The following CLCN2 variants were observed in gnomAD, a reference collection of about 807,000 sequenced individuals.
CLCN2 encodes the protein chloride channel protein 2.
CLCN2 carries 72 observed loss-of-function variants against 108.3 expected under a neutral mutation model. The ratio of observed to expected loss-of-function variants is 0.66; its 90% CI spans 0.55 to 0.81. The LOEUF is 0.81. CLCN2 is among the 30% of genes least tolerant of loss of function. The pLI is 0.00. For synonymous variants in CLCN2, 471 were observed against 467.1 expected (o/e 1.01, Z -0.11); for missense variants, 1,048 against 1,205.2 (o/e 0.87, Z 1.93).
intron 10 of CLCN2, chr3:184,356,729 A>G: frequency 2.0e-6 from 1 of 503,518 alleles, no homozygotes; most frequent in Non-Finnish European, 3.6e-6. Flanking sequence ...GCATTCCTAT[A>G]TGGGCCAGCC....
chr3:184,350,275 G>C (rs541016203), intron 22 of CLCN2, among the ~76,000 whole-genome samples: 1 of 152,238 alleles, frequency 6.6e-6, no homozygotes, highest in Non-Finnish European at 1.5e-5. Flanking sequence ...AAAGAATCCT[G>C]GGAGCAGGGC....
chr3:184,353,216 A>G (rs751109005), intron 17 of CLCN2, 34 bp downstream of exon 17: 24 of 1,613,380 alleles, frequency 1.5e-5, no homozygotes, highest in Non-Finnish European at 2.0e-5. Flanking sequence ...CTACACAATG[A>G]CATTTAGGAA....
At chr3:184,350,504 C>T (rs1553854217) in intron 22 of CLCN2, among the ~76,000 whole-genome samples, 2 of 152,004 alleles carry the variant, frequency 1.3e-5, no homozygotes, top group South Asian at 2.1e-4. Context: ...GTCATGATCT[C>T]GGCTCACTGC....
At position 184,357,948 on chromosome 3, in the gene CLCN2, C is replaced by T. The variant is rs769344706; in HGVS notation, c.615+14G>A. On this transcript the variant is annotated intron_variant, in intron 5 of 23. Coordinates refer to ENST00000265593, the MANE Select transcript of CLCN2 (RefSeq NM_004366.6). ...CACCAGGAGGGACTCCTTCATTCCC[C>T]AGCCTGCAGTTACCTCTTTGCCAAG... 1.2e-6 allele frequency: 2 copies of T among 1,613,966 alleles called. No homozygotes were observed. Among genetic ancestry groups the T allele is most frequent in the South Asian group, 1.1e-5 (1 of 91,090 alleles).
intron 10 of CLCN2, chr3:184,356,753 G>A: frequency 3.6e-6 from 2 of 548,834 alleles, no homozygotes; most frequent in Non-Finnish European, 6.5e-6. Context: ...AGGACCTGAG[G>A]AGGCCTTAGT....
chr3:184,358,638 G>A, intron 3 of CLCN2, 44 bp downstream of exon 3: 3 of 1,553,144 alleles, frequency 1.9e-6, no homozygotes, highest in Non-Finnish European at 2.6e-6. Context: ...CATGGACGCA[G>A]GAGGTTTATT....
rs1728640559 is a variant in CLCN2 at position 184,357,368 on chromosome 3, C to A, written c.892G>T (p.Asp298Tyr). 2.5e-6 allele frequency: 4 copies of A among 1,614,100 alleles called. No homozygotes were observed. The East Asian group carries it at 8.9e-5, about 36-fold the overall frequency. The change falls in exon 8 of 24, where the codon GAT becomes TAT. Residue 298 changes from aspartate (D) to tyrosine (Y), a missense_variant. Transcript: ENST00000265593. ...IFRVLAVWNR[D>Y]EETITALFKT... ...ATCCCCTGGGTGCCCCCACCTTCAT[C>A]CCGGTTCCAGACTGCCAAGACCCGG...
rs1727705555 is a variant in CLCN2 at position 184,346,798 on chromosome 3, G to A, written c.2505C>T (p.Leu835=). ...TGACAGAGCCCTCGATGGCCTTCCG[G>A]AGCTGGAAAGGTGAGAGGGACAGAT... is the stretch of plus-strand genomic sequence containing the variant. The part of the protein sequence containing the change: ...RLIGIVTLKE[L]RKAIEGSVTA... Residue 835 remains leucine (L), a splice_region_variant and synonymous_variant, in exon 24 of 24, where the codon CTC becomes CTT. Transcript: ENST00000265593. This position sits in a 1 kb window ranked among gnomAD's most constrained non-coding sequence, Gnocchi z 6.0. 1 of 1,613,916 alleles carries A rather than the reference G, an allele frequency of 6.2e-7. No homozygotes were observed. Among genetic ancestry groups the A allele is most frequent in the Non-Finnish European group, 8.5e-7 (1 of 1,180,010 alleles).
At chr3:184,359,224 C>A (rs561574541) in intron 1 of CLCN2, 93 bp from the exon 2 acceptor site, 31 of 1,451,618 alleles carry the variant, frequency 2.1e-5, no homozygotes, top group Non-Finnish European at 3.0e-5. Context: ...CTTCTCCCAG[C>A]CCCCACACTG....
chr3:184,347,427 T>C (rs180672629), intron 22 of CLCN2: 14 of 344,168 alleles, frequency 4.1e-5, no homozygotes, highest in Non-Finnish European at 5.1e-5. Context: ...AGAAGCAGCA[T>C]GGGGCTCAAC....
Position 184,359,143 on chromosome 3 carries a change from G to A in CLCN2, c.64-12C>T. On this transcript the variant is annotated splice_polypyrimidine_tract_variant and intron_variant, in intron 1 of 23. Transcript: ENST00000265593. The stretch of plus-strand genomic sequence containing the variant: ...TACCGGCCATACATCTGGAGCAACA[G>A]AGGGGATGGGGGCATTCGAGGTCAT... 1.2e-6 allele frequency: 2 copies of A among 1,613,600 alleles called. No individual in the cohort carries two copies. The highest frequency in any genetic ancestry group is 1.7e-6 in the Non-Finnish European group (2 of 1,180,034).
At chr3:184,359,953 T>C (rs1271207092) in intron 1 of CLCN2, among the ~76,000 whole-genome samples, 1 of 108,026 alleles carries the variant, frequency 9.3e-6, no homozygotes, top group Non-Finnish European at 1.7e-5. Context: ...CCGCAGAGCT[T>C]CGGGACACAA....
intron 22 of CLCN2, 151 bp from the exon 23 acceptor site, chr3:184,347,172 T>C: frequency 1.4e-6 from 1 of 712,894 alleles, no homozygotes; most frequent in South Asian, 1.5e-5. Context: ...GGGAAAATAA[T>C]AACAATCGTA....
Position 184,357,975 on chromosome 3 carries a change from G to C in CLCN2, c.602C>G (p.Pro201Arg). The change falls in exon 5 of 24, where the codon CCG becomes CGG. Residue 201 changes from proline (P) to arginine (R), a missense_variant. Pro to Arg is a moderately radical substitution (Grantham distance 103). Coordinates refer to ENST00000265593, the MANE Select transcript of CLCN2 (RefSeq NM_004366.6). ...GLTCALGSGM[P>R]LGKEGPFVHI... ...GCCTGCAGTTACCTCTTTGCCAAGC[G>C]GCATCCCGCTGCCTAGGGCGCAGGT... The C allele has an allele frequency of 6.2e-7, 1 of 1,614,028 alleles. No individual in the cohort carries two copies. The highest frequency in any genetic ancestry group is 8.5e-7 in the Non-Finnish European group (1 of 1,180,044).
chr3:184,359,153 G>A, intron 1 of CLCN2, 22 bp from the exon 2 acceptor site: 1 of 1,613,454 alleles, frequency 6.2e-7, no homozygotes, highest in Non-Finnish European at 8.5e-7. Flanking sequence ...GAGGGGATGG[G>A]GGCATTCGAG....
rs905696704 is a variant in CLCN2 at position 184,357,441 on chromosome 3, C to A, written c.819G>T (p.Arg273=). 1 of 1,614,062 alleles carries A rather than the reference C, an allele frequency of 6.2e-7. No individual in the cohort carries two copies. The highest frequency in any genetic ancestry group is 1.3e-5 in the African/African-American group (1 of 74,930). ...IEVTSTFFAV[R]NYWRGFFAAT... ...CAGCGAAGAAGCCCCGCCAGTAGTT[C>A]CGCACTGCAAAGAAGGTGGAGGTGA... Residue 273 remains arginine, a synonymous_variant, in exon 8 of 24, where the codon CGG becomes CGT. Coordinates refer to ENST00000265593, the MANE Select transcript of CLCN2 (RefSeq NM_004366.6).
At chr3:184,349,111 CTT>C (rs1727910104) in intron 22 of CLCN2, 2 of 152,214 alleles carry the variant, frequency 1.3e-5, no homozygotes, top group African/African-American at 4.8e-5. Context: ...CATAATCACT[CTT>C]CTTTTTCTGA....
chr3:184,359,232 C>G, intron 1 of CLCN2, 101 bp from the exon 2 acceptor site: 1 of 1,392,574 alleles, frequency 7.2e-7, no homozygotes. Flanking sequence ...AGCCCCCACA[C>G]TGGATATCCC....
Position 184,356,917 on chromosome 3 carries a change from C to T in CLCN2, c.1085+76G>A, listed in dbSNP as rs950369000. ...CCTGTTTTGACTGGGCCATTCTCTC[C>T]CCATCACTGTCCCCTGACCTACTGT... On this transcript the variant is annotated intron_variant, in intron 10 of 23. Coordinates refer to ENST00000265593, the MANE Select transcript of CLCN2 (RefSeq NM_004366.6). The T allele has an allele frequency of 7.0e-5, 72 of 1,023,496 alleles. No individual in the cohort carries two copies. In the South Asian group the frequency reaches 9.1e-4, roughly 13 times the overall value. The allele number at this position is 1,023,496 out of a possible 1,614,324, so 63.4% of individuals were successfully genotyped here. A position where few individuals can be genotyped will look rare whatever the true frequency, so the allele number is the denominator to read the frequency against.
Sources: gnomAD v4.1 joint callset for allele counts (sites outside exome capture counted in the v4.1 genomes callset) on GRCh38, gnomAD v4.1.1 for gene constraint, Gnocchi (gnomAD v3.1) non-coding constraint, MANE v1.5 for transcripts, NCBI Gene and HGNC (gene_info 2026-07-23, HGNC 2026-07-21) for gene names.